The following GALM variants were observed in gnomAD, a reference collection of about 807,000 sequenced individuals.
The protein encoded by GALM is galactose mutarotase.
GALM carries 43 observed loss-of-function variants against 37.4 expected under a neutral mutation model. That is an observed-to-expected ratio of 1.15 (90% CI 0.90 to 1.48). The LOEUF (loss-of-function observed/expected upper bound fraction) is 1.48, where lower values mean the gene tolerates loss of function less well. GALM is among the 40% of genes most tolerant of loss of function. The pLI, the probability that GALM is intolerant of heterozygous loss-of-function variation, is 0.00. For synonymous variants in GALM, 199 were observed against 170.6 expected (o/e 1.17, Z -1.30); for missense variants, 456 against 419.1 (o/e 1.09, Z -0.77).
chr2:38,718,942 A>T (rs1051093637), intron 4 of GALM, among the ~76,000 whole-genome samples: 1 of 151,968 alleles, frequency 6.6e-6, no homozygotes, highest in African/African-American at 2.4e-5. Flanking sequence ...TTACAAAAAA[A>T]GCTATTTTCC....
intron 4 of GALM, among the ~76,000 whole-genome samples, chr2:38,728,277 C>G (rs182240059): frequency 0.01 from 1,578 of 151,766 alleles, 15 homozygotes; most frequent in South Asian, 0.027. Flanking sequence ...GCCTGTAATC[C>G]CAGCTACTTG....
chr2:38,721,569 A>G (rs968145766), intron 4 of GALM, among the ~76,000 whole-genome samples: 3 of 152,148 alleles, frequency 2.0e-5, no homozygotes, highest in African/African-American at 7.2e-5. Flanking sequence ...GCTGGAGTGC[A>G]GTGGCATGAT....
At chr2:38,685,787 G>A (rs566649014) in intron 3 of GALM, among the ~76,000 whole-genome samples, 74 of 151,960 alleles carry the variant, frequency 4.9e-4, no homozygotes, top group African/African-American at 1.7e-3. Flanking sequence ...GCGCAATCTC[G>A]GCTCACGGCA....
chr2:38,712,442 C>T (rs750626496), intron 4 of GALM, among the ~76,000 whole-genome samples: 7 of 152,210 alleles, frequency 4.6e-5, no homozygotes, highest in Non-Finnish European at 1.0e-4. Context: ...GTTTCCTCTT[C>T]GCTTTCAGGT....
At chr2:38,668,206 G>A (rs535475823) in intron 1 of GALM, 3 of 152,164 alleles carry the variant, frequency 2.0e-5, no homozygotes, top group South Asian at 2.1e-4. Flanking sequence ...ATTTTTTAGA[G>A]GTGGAGTCTC....
chr2:38,682,416 T>C (rs1665419791), intron 3 of GALM: 1 of 261,056 alleles, frequency 3.8e-6, no homozygotes, highest in Non-Finnish European at 8.6e-6. Context: ...AGTCAGCTAG[T>C]AATATCTCAC....
In GALM at chr2:38,672,625, T is replaced by C. The variant is rs1665138561; in HGVS notation, c.191-3287T>C. ...TCTGCCACTACTTAGCTGTGTGTTTTGGGGCAAGTTATTTAACTTTTCTGT... is the reference window on the plus strand; with the variant it reads ...TCTGCCACTACTTAGCTGTGTGTTTCGGGGCAAGTTATTTAACTTTTCTGT... On this transcript the variant is annotated intron_variant, in intron 1 of 6. Coordinates refer to ENST00000272252, the MANE Select transcript of GALM (RefSeq NM_138801.3). Among the ~76,000 whole-genome samples the C allele has an allele frequency of 2.0e-5, 3 of 152,324 alleles. No individual in the cohort carries two copies. The East Asian group carries it at 5.8e-4, about 29-fold the overall frequency.
intron 4 of GALM, among the ~76,000 whole-genome samples, chr2:38,727,010 G>C (rs1666500101): frequency 6.6e-6 from 1 of 151,958 alleles, no homozygotes; most frequent in Non-Finnish European, 1.5e-5. Flanking sequence ...GAGGTCAGAA[G>C]TTTGAGACCA....
At chr2:38,689,235 C>T (rs1284373113) in intron 3 of GALM, among the ~76,000 whole-genome samples, 1 of 152,214 alleles carries the variant, frequency 6.6e-6, no homozygotes, top group Admixed American at 6.5e-5. Context: ...CTGACCAGTA[C>T]ACCAGCCTTT....
chr2:38,683,949 T>A (rs1289687035), intron 3 of GALM, among the ~76,000 whole-genome samples: 1 of 152,142 alleles, frequency 6.6e-6, no homozygotes, highest in Non-Finnish European at 1.5e-5. Flanking sequence ...TAACTTCAGG[T>A]TTGAAGGTGG....
At chr2:38,667,067 G>C (rs1399701097) in intron 1 of GALM, among the ~76,000 whole-genome samples, 2 of 152,110 alleles carry the variant, frequency 1.3e-5, no homozygotes, top group East Asian at 3.8e-4. Context: ...GGTTTGGCTG[G>C]GGAGATAGAC....
At chr2:38,703,073 T>C (rs1665955416) in intron 4 of GALM, among the ~76,000 whole-genome samples, 1 of 6,448 alleles carries the variant, frequency 1.6e-4, no homozygotes, top group African/African-American at 3.6e-4. Flanking sequence ...TATATATATA[T>C]ATATATATAT....
At chr2:38,678,728 G>C (rs1201228663) in intron 2 of GALM, among the ~76,000 whole-genome samples, 1 of 152,188 alleles carries the variant, frequency 6.6e-6, no homozygotes, top group Non-Finnish European at 1.5e-5. Flanking sequence ...TGAAGGCAGA[G>C]ACCTCCGTTC....
Position 38,675,999 on chromosome 2 carries a change from A to G in GALM, c.278A>G (p.Lys93Arg). ...AAAGGAACCTTCAAGGTGGATGGGA[A>G]GGAGTATCACCTGGCCATTAACAAG... is the stretch of plus-strand genomic sequence containing the variant. ...IAKGTFKVDG[K>R]EYHLAINKEP... Residue 93 changes from lysine (K) to arginine (R), a missense_variant, in exon 2 of 7, where the codon AAG becomes AGG. Lys to Arg is a conservative substitution (Grantham distance 26). Coordinates refer to ENST00000272252, the MANE Select transcript of GALM (RefSeq NM_138801.3). 6.2e-7 allele frequency: 1 copy of G among 1,614,094 alleles called. No homozygotes were observed. Among genetic ancestry groups the G allele is most frequent in the Non-Finnish European group, 8.5e-7 (1 of 1,179,986 alleles).
chr2:38,682,538 TA>T (rs1665422274), intron 3 of GALM, among the ~76,000 whole-genome samples: 1 of 152,154 alleles, frequency 6.6e-6, no homozygotes, highest in Admixed American at 6.5e-5. Context: ...GTTCTCCCTT[TA>T]AAAAAGTTGA....
intron 4 of GALM, among the ~76,000 whole-genome samples, chr2:38,722,619 T>A (rs1414510711): frequency 6.6e-6 from 1 of 152,200 alleles, no homozygotes; most frequent in African/African-American, 2.4e-5. Flanking sequence ...TGACATTCTG[T>A]CTGAGGGTAC....
At chr2:38,719,426 G>A (rs189079902) in intron 4 of GALM, among the ~76,000 whole-genome samples, 6 of 147,500 alleles carry the variant, frequency 4.1e-5, no homozygotes, top group Non-Finnish European at 8.9e-5. Context: ...CCGAGATCAC[G>A]CCACTGCACT....
At chr2:38,668,119 G>A (rs763767608) in intron 1 of GALM, 2 of 152,078 alleles carry the variant, frequency 1.3e-5, no homozygotes, top group African/African-American at 2.4e-5. Flanking sequence ...TGTATCTGTC[G>A]GTCTTCATTC....
intron 4 of GALM, among the ~76,000 whole-genome samples, chr2:38,709,442 C>G (rs929022728): frequency 2.0e-5 from 3 of 151,938 alleles, no homozygotes; most frequent in African/African-American, 4.8e-5. Context: ...CACCTGAAAA[C>G]GACCTGCAGC....
Sources: gnomAD v4.1 joint callset for allele counts (sites outside exome capture counted in the v4.1 genomes callset) on GRCh38, gnomAD v4.1.1 for gene constraint, MANE v1.5 for transcripts, NCBI Gene and HGNC (gene_info 2026-07-23, HGNC 2026-07-21) for gene names.